POU6F2: variants seen among roughly 807,000 people sequenced by gnomAD.
The protein encoded by POU6F2 is POU domain, class 6, transcription factor 2.
A neutral mutation model predicts 71.3 loss-of-function variants in POU6F2; 31 were observed. That is an observed-to-expected ratio of 0.43 (90% confidence interval 0.33 to 0.59). The LOEUF (loss-of-function observed/expected upper bound fraction) is 0.59. Ranked by LOEUF, POU6F2 falls within the 20% of genes least tolerant of loss-of-function variation. POU6F2 has a pLI of 0.04. For synonymous variants in POU6F2, 347 were observed against 355.7 expected, an observed-to-expected ratio of 0.98 and a Z score of 0.27; for missense variants, 783 against 856.8, an observed-to-expected ratio of 0.91 and a Z score of 1.07.
rs1787984241 is a variant in POU6F2 at position 39,426,787 on chromosome 7, A to G, written c.1114-6290A>G. 2.0e-5 allele frequency among the ~76,000 whole-genome samples: 3 copies of G among 152,218 alleles called. No homozygotes were observed. In the South Asian group the frequency reaches 6.2e-4, roughly 32 times the overall value. On this transcript the variant is annotated intron_variant, in intron 6 of 9. Transcript: ENST00000518318. ...CCACCTCTGGAAGTGAGGAAGACAC[A>G]GATTTTTCAAAAATTCTGTGTCTAT...
intron 2 of POU6F2, among the ~76,000 whole-genome samples, chr7:39,163,589 T>TA (rs201550088): frequency 0.021 from 3,171 of 152,256 alleles, 100 homozygotes; most frequent in Admixed American, 0.046. Context: ...TCTATTAAAA[T>TA]AAAAAATAAA....
At chr7:39,115,710 G>A (rs571639230) in intron 2 of POU6F2, among the ~76,000 whole-genome samples, 15 of 152,276 alleles carry the variant, frequency 9.9e-5, no homozygotes, top group South Asian at 2.1e-4. Context: ...CAAAGCTTCC[G>A]GAGCTCAGTA....
chr7:39,389,116 A>G (rs542425970), intron 5 of POU6F2, among the ~76,000 whole-genome samples: 18 of 152,346 alleles, frequency 1.2e-4, no homozygotes, highest in African/African-American at 4.3e-4. Context: ...AAGAAACACA[A>G]GTAGTGTCAT....
chr7:39,035,582 C>T (rs1453984238), intron 1 of POU6F2, among the ~76,000 whole-genome samples: 1 of 152,064 alleles, frequency 6.6e-6, no homozygotes, highest in Non-Finnish European at 1.5e-5. Flanking sequence ...CTTCTTCCTG[C>T]GAATCAGGTT....
At chr7:39,183,613 G>A (rs1277355328) in intron 2 of POU6F2, among the ~76,000 whole-genome samples, 2 of 152,082 alleles carry the variant, frequency 1.3e-5, no homozygotes, top group African/African-American at 4.8e-5. Flanking sequence ...ATGAGATTTG[G>A]GCAGGGACAC....
At chr7:39,233,234 T>C (rs1296638342) in intron 4 of POU6F2, among the ~76,000 whole-genome samples, 10 of 151,878 alleles carry the variant, frequency 6.6e-5, no homozygotes, top group Non-Finnish European at 1.3e-4. Context: ...AAACAGGTAA[T>C]TTGCAAAATA....
intron 4 of POU6F2, among the ~76,000 whole-genome samples, chr7:39,253,632 G>C (rs1410802093): frequency 6.6e-6 from 1 of 152,122 alleles, no homozygotes; most frequent in East Asian, 1.9e-4. Flanking sequence ...TGTAATGTAG[G>C]TCACAATATT....
chr7:39,175,907 A>G (rs1793318539), intron 2 of POU6F2, among the ~76,000 whole-genome samples: 1 of 152,178 alleles, frequency 6.6e-6, no homozygotes, highest in Non-Finnish European at 1.5e-5. Context: ...CAGAAGGATT[A>G]CCTGTGACTC....
intron 4 of POU6F2, among the ~76,000 whole-genome samples, chr7:39,234,523 A>G (rs1169825888): frequency 6.6e-5 from 10 of 152,072 alleles, no homozygotes; most frequent in Admixed American, 3.3e-4. Flanking sequence ...AAATGCAGCC[A>G]TGTTGCTGTG....
intron 4 of POU6F2, among the ~76,000 whole-genome samples, chr7:39,301,341 C>T: frequency 6.6e-6 from 1 of 152,180 alleles, no homozygotes; most frequent in East Asian, 1.9e-4. Context: ...AGGGGTTTTA[C>T]AGCCTTTCCT....
At chr7:39,144,370 G>C (rs1412858854) in intron 2 of POU6F2, among the ~76,000 whole-genome samples, 1 of 152,138 alleles carries the variant, frequency 6.6e-6, no homozygotes, top group African/African-American at 2.4e-5. Context: ...ATAATTTCAA[G>C]GTAGTGTCCT....
chr7:39,002,924 A>G (rs551960407), intron 1 of POU6F2, among the ~76,000 whole-genome samples: 1 of 152,360 alleles, frequency 6.6e-6, no homozygotes, highest in African/African-American at 2.4e-5. Flanking sequence ...GACTATGAAA[A>G]GAGCGTTTTA....
chr7:39,085,412 C>T (rs760664854), intron 1 of POU6F2, among the ~76,000 whole-genome samples: 2 of 151,902 alleles, frequency 1.3e-5, no homozygotes, highest in African/African-American at 2.4e-5. Flanking sequence ...TAAAATAGCC[C>T]GTGGTTCCTC....
At chr7:39,207,313 T>G in intron 3 of POU6F2, 79 bp from the exon 4 acceptor site, 1 of 1,368,496 alleles carries the variant, frequency 7.3e-7, no homozygotes, top group South Asian at 1.4e-5. Context: ...TGACCCTACT[T>G]AAGTGGAAAG....
chr7:39,206,750 T>G (rs906784565), intron 3 of POU6F2, among the ~76,000 whole-genome samples: 4 of 152,244 alleles, frequency 2.6e-5, no homozygotes, highest in Admixed American at 2.6e-4. Context: ...AATACATGTT[T>G]TTATGCAGTT....
intron 5 of POU6F2, among the ~76,000 whole-genome samples, chr7:39,361,395 A>G (rs374510468): frequency 9.8e-5 from 15 of 152,354 alleles, no homozygotes; most frequent in South Asian, 4.1e-4. Context: ...CAGAAACACT[A>G]GAAGATTCAC....
Position 39,238,213 on chromosome 7 carries a change from A to G in POU6F2, c.598+30593A>G, listed in dbSNP as rs1042828027. On this transcript the variant is annotated intron_variant, in intron 4 of 9. Coordinates refer to ENST00000518318, the MANE Select transcript of POU6F2 (RefSeq NM_001370959.1). The stretch of plus-strand genomic sequence containing the variant: ...CTCTAAACTCAGTTTGAGCATCTGT[A>G]AAATGAGCACAAAGATAGTACTCGC... Among the ~76,000 whole-genome samples, 4 of 152,194 alleles carry G rather than the reference A, an allele frequency of 2.6e-5. No individual in the cohort carries two copies. In the East Asian group the frequency reaches 7.7e-4, roughly 29 times the overall value.
chr7:39,155,796 A>C (rs1343794866), intron 2 of POU6F2, among the ~76,000 whole-genome samples: 1 of 152,200 alleles, frequency 6.6e-6, no homozygotes, highest in Admixed American at 6.5e-5. Context: ...ATTTATTTTT[A>C]AAGTTTATCT....
At chr7:39,155,769 A>G (rs1227157864) in intron 2 of POU6F2, among the ~76,000 whole-genome samples, 3 of 152,236 alleles carry the variant, frequency 2.0e-5, no homozygotes, top group Admixed American at 1.3e-4. Context: ...AAAGGAAGAT[A>G]GACTTGAAAG....
Sources: allele counts gnomAD v4.1 joint callset (sites outside exome capture counted in the v4.1 genomes callset), GRCh38; gene constraint gnomAD v4.1.1; transcripts MANE v1.5; gene names NCBI Gene and HGNC (gene_info 2026-07-23, HGNC 2026-07-21).